Variants in HIP1 observed in about 807,000 individuals in gnomAD.
The protein encoded by HIP1 is huntingtin-interacting protein 1.
HIP1 carries 65 observed loss-of-function variants against 147.6 expected under a neutral mutation model. The observed-to-expected ratio is 0.44, with a 90% CI of 0.36 to 0.54. The LOEUF is 0.54. Among genes scored for constraint, HIP1 ranks in the 20% least tolerant of loss-of-function variants. HIP1 has a pLI of 0.00. For missense variants in HIP1, 1,061 were observed against 1,299.6 expected, an observed-to-expected ratio of 0.82 and a Z score of 2.82; for synonymous variants, 479 against 504.0, an observed-to-expected ratio of 0.95 and a Z score of 0.67.
At chr7:75,634,941 GAAAAAAAAAAAAA>G (rs58461422) in intron 1 of HIP1, among the ~76,000 whole-genome samples, 1 of 62,582 alleles carries the variant, frequency 1.6e-5, no homozygotes, top group Non-Finnish European at 2.9e-5. Context: ...CACTATCTCT[GAAAAAAAAAAAAA>G]AAAAAAAAAA....
intron 1 of HIP1, among the ~76,000 whole-genome samples, chr7:75,716,085 C>T (rs1219622791): frequency 6.6e-6 from 1 of 152,106 alleles, no homozygotes; most frequent in African/African-American, 2.4e-5. Context: ...ACCTCCCACT[C>T]GGTCCCATAT....
intron 6 of HIP1, among the ~76,000 whole-genome samples, chr7:75,581,514 C>T (rs988321829): frequency 1.2e-4 from 18 of 152,354 alleles, no homozygotes; most frequent in Admixed American, 1.0e-3. Context: ...GGCGGTGGCT[C>T]ACGCCTGTAA....
rs782338489 is a variant in HIP1, at chr7:75,563,243, C to T, written c.824G>A (p.Arg275His). 6.8e-6 allele frequency: 11 copies of T among 1,614,130 alleles called. No homozygotes were observed. Among genetic ancestry groups the T allele is most frequent in the Admixed American group, 1.7e-5 (1 of 60,022 alleles). The stretch of plus-strand genomic sequence containing the variant: ...CTTGAAGTACTGCAGGTTGCTGGAG[C>T]GGTAGAACAGATCTTTCAACCTAGG... ...QFTKLKDLFY[R>H]SSNLQYFKRL... Residue 275 changes from arginine (R) to histidine (H), a missense_variant, in exon 10 of 31, where the codon CGC becomes CAC. Arg to His is a conservative substitution (Grantham distance 29). This residue lies in a region of HIP1 where 810 missense variants were observed against 946.8 expected (regional missense o/e 0.86). Coordinates refer to ENST00000336926, the MANE Select transcript of HIP1 (RefSeq NM_005338.7).
intron 1 of HIP1, among the ~76,000 whole-genome samples, chr7:75,716,232 T>C (rs1463599486): frequency 6.7e-6 from 1 of 148,752 alleles, no homozygotes. Context: ...CTGACTTCTC[T>C]TTTTTTTTTA....
At chr7:75,686,843 CTTTTTTTTTTTTT>C (rs55942242) in intron 1 of HIP1, among the ~76,000 whole-genome samples, 1 of 80,140 alleles carries the variant, frequency 1.2e-5, no homozygotes, top group Non-Finnish European at 2.3e-5. Flanking sequence ...TATTTTAGTT[CTTTTTTTTTTTTT>C]TTTTTTTTTT....
At chr7:75,703,472 T>C (rs11514966) in intron 1 of HIP1, among the ~76,000 whole-genome samples, 84,074 of 151,884 alleles carry the variant, frequency 0.55, 24,084 homozygotes, top group African/African-American at 0.69. Flanking sequence ...GGAGAAACCC[T>C]ATCTCTACTA....
At chr7:75,660,308 C>T (rs368396149) in intron 1 of HIP1, among the ~76,000 whole-genome samples, 31 of 151,004 alleles carry the variant, frequency 2.1e-4, no homozygotes, top group African/African-American at 7.3e-4. Context: ...GGGTGGATCA[C>T]TTGAGGTCAG....
chr7:75,636,218 G>A (rs1030892244), intron 1 of HIP1, among the ~76,000 whole-genome samples: 33 of 151,726 alleles, frequency 2.2e-4, no homozygotes, highest in African/African-American at 7.5e-4. Flanking sequence ...AGTGCTGGGG[G>A]CGCGCGCCTG....
intron 30 of HIP1, among the ~76,000 whole-genome samples, chr7:75,539,036 G>A (rs1794197155): frequency 6.6e-6 from 1 of 152,148 alleles, no homozygotes; most frequent in African/African-American, 2.4e-5. Context: ...CCAGGGAGTT[G>A]GCAAGGCTAG....
At chr7:75,693,390 C>A (rs1800523547) in intron 1 of HIP1, among the ~76,000 whole-genome samples, 1 of 152,126 alleles carries the variant, frequency 6.6e-6, no homozygotes, top group African/African-American at 2.4e-5. Flanking sequence ...GCACCCCCCA[C>A]GCCAGTGCCC....
At chr7:75,564,132 T>G (rs1795326526) in intron 9 of HIP1, among the ~76,000 whole-genome samples, 1 of 152,034 alleles carries the variant, frequency 6.6e-6, no homozygotes, top group Non-Finnish European at 1.5e-5. Flanking sequence ...CTTCAAGCAA[T>G]CCTACTGCCT....
intron 1 of HIP1, among the ~76,000 whole-genome samples, chr7:75,696,654 G>A (rs1164908984): frequency 1.3e-5 from 2 of 148,420 alleles, no homozygotes; most frequent in African/African-American, 2.5e-5. Context: ...ATGCCAGAGT[G>A]CAGTGGTATG....
At chr7:75,545,233 T>C (rs782009514) in intron 25 of HIP1, 45 bp from the exon 26 acceptor site, 2 of 1,112,192 alleles carry the variant, frequency 1.8e-6, no homozygotes, top group Non-Finnish European at 2.7e-6. Flanking sequence ...ATTGAGCATG[T>C]ACTATATGGC....
At chr7:75,696,011 C>T (rs139316972) in intron 1 of HIP1, among the ~76,000 whole-genome samples, 32 of 150,498 alleles carry the variant, frequency 2.1e-4, no homozygotes, top group African/African-American at 6.6e-4. Flanking sequence ...TTTTTAGACA[C>T]GGTTCCGCTG....
At chr7:75,545,051 G>T in intron 26 of HIP1, 37 bp downstream of exon 26, 1 of 1,208,290 alleles carries the variant, frequency 8.3e-7, no homozygotes, top group Non-Finnish European at 1.2e-6. Flanking sequence ...ATGGAAGAGG[G>T]GTCATGGGAG....
intron 1 of HIP1, among the ~76,000 whole-genome samples, chr7:75,616,226 C>A (rs782492604): frequency 1.2e-4 from 19 of 152,096 alleles, no homozygotes; most frequent in African/African-American, 4.6e-4. Context: ...ACCAGCCAAA[C>A]CTGGCCTCAG....
At chr7:75,574,939 T>C (rs879960574) in intron 7 of HIP1, among the ~76,000 whole-genome samples, 20 of 148,672 alleles carry the variant, frequency 1.3e-4, no homozygotes, top group Non-Finnish European at 2.5e-4. Context: ...GTGGGGGGAC[T>C]GCCTGAGCCT....
chr7:75,568,353 G>T lies in HIP1; in HGVS notation c.746-97C>A. On this transcript the variant is annotated intron_variant, in intron 8 of 30. Transcript: ENST00000336926. This position sits in a 1 kb window ranked among gnomAD's most constrained non-coding sequence, Gnocchi z 4.1. ...AGGGGGAGGGGCCCAGCTACCCTGG[G>T]GCATGTGGCCAGCACTGCCAGGGGC... 2 of 836,176 alleles carry T rather than the reference G, an allele frequency of 2.4e-6. No individual in the cohort carries two copies. The highest frequency in any genetic ancestry group is 2.1e-6 in the Non-Finnish European group (1 of 476,598). 51.8% of individuals were successfully genotyped at this position (836,176 alleles called of 1,614,324 possible).
At chr7:75,585,456 G>A (rs1457909776) in intron 5 of HIP1, among the ~76,000 whole-genome samples, 3 of 151,996 alleles carry the variant, frequency 2.0e-5, no homozygotes, top group Non-Finnish European at 4.4e-5. Flanking sequence ...GATGACAGGC[G>A]TGAGCCACTG....
Sources: gnomAD v4.1 joint callset for allele counts (sites outside exome capture counted in the v4.1 genomes callset) on GRCh38, gnomAD v4.1.1 for gene constraint, gnomAD v4.1.1 regional missense constraint, Gnocchi (gnomAD v3.1) non-coding constraint, MANE v1.5 for transcripts, NCBI Gene and HGNC (gene_info 2026-07-23, HGNC 2026-07-21) for gene names.